Variants in SH3TC2 observed in about 807,000 individuals in gnomAD.
SH3TC2 encodes SH3 domain and tetratricopeptide repeat-containing protein 2.
SH3TC2 carries 87 observed loss-of-function variants against 124.5 expected under a neutral mutation model. The observed-to-expected ratio is 0.70, with a 90% CI of 0.59 to 0.84. SH3TC2 has a LOEUF of 0.84. Among genes scored for constraint, SH3TC2 ranks in the 40% least tolerant of loss-of-function variants. The pLI, the probability that SH3TC2 is intolerant of heterozygous loss-of-function variation, is 0.00. For missense variants in SH3TC2, 1,536 were observed against 1,566.4 expected (o/e 0.98, Z 0.33); for synonymous variants, 634 against 628.5 (o/e 1.01, Z -0.13).
chr5:149,024,742 T>C (rs898169032), intron 12 of SH3TC2, among the ~76,000 whole-genome samples: 2 of 152,182 alleles, frequency 1.3e-5, no homozygotes, highest in African/African-American at 4.8e-5. Context: ...GGGCCATCTG[T>C]AGACCCACCC....
chr5:149,049,892 C>T (rs901285669), intron 2 of SH3TC2, among the ~76,000 whole-genome samples: 2 of 152,184 alleles, frequency 1.3e-5, no homozygotes, highest in Non-Finnish European at 2.9e-5. Flanking sequence ...AGCTGTTCCC[C>T]TCCTCACCTC....
At chr5:149,059,150 C>CT (rs1406506584) in intron 1 of SH3TC2, among the ~76,000 whole-genome samples, 5 of 152,136 alleles carry the variant, frequency 3.3e-5, no homozygotes, top group African/African-American at 1.2e-4. Flanking sequence ...AAAAGATCAC[C>CT]TAGCTCCACT....
Position 148,991,474 on chromosome 5 carries a change from G to A in SH3TC2, c.*13237C>T, listed in dbSNP as rs1200718652. Among the ~76,000 whole-genome samples, 2 of 152,218 alleles carry A rather than the reference G, an allele frequency of 1.3e-5. No homozygotes were observed. Among genetic ancestry groups the A allele is most frequent in the Non-Finnish European group, 2.9e-5 (2 of 68,044 alleles). ...ATCCTGTATTTCCCAGGACCCAGGA[G>A]TCTTTGGAAGTTTCTTGAGTGGGCT... is the stretch of plus-strand genomic sequence containing the variant. On this transcript the variant is annotated 3_prime_UTR_variant, in exon 17 of 17. Transcript: ENST00000515425.
chr5:149,010,452 A>G, intron 13 of SH3TC2, 60 bp from the exon 14 acceptor site: 1 of 1,609,386 alleles, frequency 6.2e-7, no homozygotes, highest in Non-Finnish European at 8.5e-7. Context: ...CCTCCACAGG[A>G]CTGGCAGAGC....
At chr5:149,013,787 T>C (rs1035993269) in intron 12 of SH3TC2, among the ~76,000 whole-genome samples, 2 of 152,188 alleles carry the variant, frequency 1.3e-5, no homozygotes, top group Non-Finnish European at 2.9e-5. Context: ...GAAGGAACAC[T>C]GTGCATCATC....
In SH3TC2 at chr5:149,003,874, C is replaced by T. The variant is rs565462353; in HGVS notation, c.*837G>A. 1.8e-4 allele frequency: 64 copies of T among 356,134 alleles called. 2 individuals carry two copies. In the Admixed American group the frequency reaches 1.8e-3, roughly 10 times the overall value. The allele number at this position is 356,134 out of a possible 1,614,324, so 22.1% of individuals were successfully genotyped here. A position where few individuals can be genotyped will look rare whatever the true frequency, so the allele number is the denominator to read the frequency against. ...CAAAAAAAAAAAAAAAAAAAAAAGA[C>T]ATGTATTGGTATTCTCTCCCATCCA... On this transcript the variant is annotated 3_prime_UTR_variant, in exon 17 of 17. Coordinates refer to ENST00000515425, the MANE Select transcript of SH3TC2 (RefSeq NM_024577.4).
chr5:148,993,089 A>G lies in SH3TC2; in HGVS notation c.*11622T>C, dbSNP rs1158871696. Among the ~76,000 whole-genome samples the G allele has an allele frequency of 1.3e-5, 2 of 152,120 alleles. No individual in the cohort carries two copies. Among genetic ancestry groups the G allele is most frequent in the Non-Finnish European group, 2.9e-5 (2 of 68,020 alleles). On this transcript the variant is annotated 3_prime_UTR_variant, in exon 17 of 17. Coordinates refer to ENST00000515425, the MANE Select transcript of SH3TC2 (RefSeq NM_024577.4). ...CTGGCCTCACTCCTGGCTTCCATAGACGCTTAAGGTGATTAGGCATTTGTC... is the reference window on the plus strand; with the variant it reads ...CTGGCCTCACTCCTGGCTTCCATAGGCGCTTAAGGTGATTAGGCATTTGTC...
chr5:149,023,838 G>A (rs1364524499), intron 12 of SH3TC2, among the ~76,000 whole-genome samples: 1 of 152,046 alleles, frequency 6.6e-6, no homozygotes, highest in Non-Finnish European at 1.5e-5. Flanking sequence ...ACCTGCCTCA[G>A]CCTGGTTAAA....
chr5:149,020,239 G>C (rs1195314751), intron 12 of SH3TC2, among the ~76,000 whole-genome samples: 3 of 152,160 alleles, frequency 2.0e-5, no homozygotes, highest in Non-Finnish European at 2.9e-5. Flanking sequence ...ACAGGGCTGT[G>C]AGCATGATCA....
At chr5:149,023,767 T>G (rs1453142804) in intron 12 of SH3TC2, among the ~76,000 whole-genome samples, 1 of 151,968 alleles carries the variant, frequency 6.6e-6, no homozygotes, top group East Asian at 1.9e-4. Flanking sequence ...GTATCTTTGG[T>G]AGAGATGGGG....
At position 148,997,508 on chromosome 5, in the gene SH3TC2, T is replaced by G. The variant is rs896620895; in HGVS notation, c.*7203A>C. Among the ~76,000 whole-genome samples the G allele has an allele frequency of 6.6e-6, 1 of 152,200 alleles. No homozygotes were observed. Among genetic ancestry groups the G allele is most frequent in the Non-Finnish European group, 1.5e-5 (1 of 68,030 alleles). On this transcript the variant is annotated 3_prime_UTR_variant, in exon 17 of 17. Transcript: ENST00000515425. ...TTTTCAAGACCTCCTGGAAAGTCAG[T>G]TCTCTCCAATCCTGTTCTAAAGTAA...
chr5:149,026,563 C>T lies in SH3TC2; in HGVS notation c.3053+9G>A, dbSNP rs1754066122. On this transcript the variant is annotated intron_variant, in intron 12 of 16. Transcript: ENST00000515425. Reference sequence around the variant, plus strand: ...GCTGCTTCTAGGACAGTTCCTGACCCTGACTCACCTGGCGGTATTTAGGTT... The same window carrying T: ...GCTGCTTCTAGGACAGTTCCTGACCTTGACTCACCTGGCGGTATTTAGGTT... 1 of 1,613,624 alleles carries T rather than the reference C, an allele frequency of 6.2e-7. No homozygotes were observed. The highest frequency in any genetic ancestry group is 8.5e-7 in the Non-Finnish European group (1 of 1,180,024).
chr5:148,993,339 T>G lies in SH3TC2; in HGVS notation c.*11372A>C, dbSNP rs1023453316. ...TTTGACCTAAATAAATTATTGTCAA[T>G]AAATTATAAGCCATCATTGTAAAAT... is the stretch of plus-strand genomic sequence containing the variant. On this transcript the variant is annotated 3_prime_UTR_variant, in exon 17 of 17. Coordinates refer to ENST00000515425, the MANE Select transcript of SH3TC2 (RefSeq NM_024577.4). 2.0e-4 allele frequency among the ~76,000 whole-genome samples: 30 copies of G among 152,164 alleles called. No individual in the cohort carries two copies. Among genetic ancestry groups the G allele is most frequent in the African/African-American group, 7.0e-4 (29 of 41,438 alleles).
chr5:149,018,018 CACTT>C (rs1309997467), intron 12 of SH3TC2, among the ~76,000 whole-genome samples: 1 of 152,218 alleles, frequency 6.6e-6, no homozygotes, highest in Non-Finnish European at 1.5e-5. Flanking sequence ...AGGCCTAAAA[CACTT>C]ACTATATGAT....
chr5:149,007,238 A>T, intron 15 of SH3TC2, 161 bp from the exon 16 acceptor site: 2 of 701,486 alleles, frequency 2.9e-6, no homozygotes, highest in Non-Finnish European at 5.2e-6. Context: ...CATAAAGCTT[A>T]TTGTCTCACA....
At chr5:149,057,300 C>T (rs2127404684) in intron 1 of SH3TC2, among the ~76,000 whole-genome samples, 1 of 152,186 alleles carries the variant, frequency 6.6e-6, no homozygotes, top group African/African-American at 2.4e-5. Context: ...ATGTCTTTAG[C>T]CTGCTTTCAT....
chr5:149,050,811 TA>T (rs1754543308), intron 2 of SH3TC2, among the ~76,000 whole-genome samples: 1 of 152,210 alleles, frequency 6.6e-6, no homozygotes, highest in African/African-American at 2.4e-5. Context: ...ATCCTTTAAA[TA>T]TTTATAATCT....
At chr5:149,008,399 G>A in intron 15 of SH3TC2, 1 of 228,172 alleles carries the variant, frequency 4.4e-6, no homozygotes, top group Non-Finnish European at 8.7e-6. Flanking sequence ...AGCTTCATGG[G>A]AAAATGCACT....
Position 149,041,439 on chromosome 5 carries a change from C to T in SH3TC2, c.708G>A (p.Glu236=), listed in dbSNP as rs774923539. 10 of 1,613,112 alleles carry T rather than the reference C, an allele frequency of 6.2e-6. No individual in the cohort carries two copies. Among genetic ancestry groups the T allele is most frequent in the Non-Finnish European group, 6.8e-6 (8 of 1,180,012 alleles). The change falls in exon 6 of 17, where the codon GAG becomes GAA. Residue 236 remains glutamate (E), a synonymous_variant. Transcript: ENST00000515425. ...QRGLVLVSAL[E]PLPLPFHQWF... is the part of the protein sequence containing the mutation. ...ACTGGTGGAAAGGGAGAGGCAGAGGCTCCAAGGCTGACACCAGTACCAGGC... is the reference window on the plus strand; with the variant it reads ...ACTGGTGGAAAGGGAGAGGCAGAGGTTCCAAGGCTGACACCAGTACCAGGC...
Sources: allele counts gnomAD v4.1 joint callset (sites outside exome capture counted in the v4.1 genomes callset), GRCh38; gene constraint gnomAD v4.1.1; transcripts MANE v1.5; gene names NCBI Gene and HGNC (gene_info 2026-07-23, HGNC 2026-07-21).